SPTSSA: variants seen among roughly 807,000 people sequenced by gnomAD.
The protein encoded by SPTSSA is small subunit of serine palmitoyltransferase A.
SPTSSA carries 8 observed loss-of-function variants against 9.1 expected under a neutral mutation model. The observed-to-expected ratio is 0.88, with a 90% CI of 0.51 to 1.58. The LOEUF is 1.58. SPTSSA is among the 40% of genes most tolerant of loss of function. SPTSSA has a pLI of 0.00. For missense variants in SPTSSA, 100 were observed against 93.8 expected, an observed-to-expected ratio of 1.07 and a Z score of -0.27; for synonymous variants, 42 against 37.7, an observed-to-expected ratio of 1.11 and a Z score of -0.41.
chr14:34,459,922 A>C (rs1043497595), intron 1 of SPTSSA, among the ~76,000 whole-genome samples: 10 of 152,222 alleles, frequency 6.6e-5, no homozygotes, highest in African/African-American at 2.4e-4. Context: ...AGTTGAATGT[A>C]ATGTTTAAGC....
chr14:34,451,930 T>G (rs1883534612), intron 1 of SPTSSA, among the ~76,000 whole-genome samples: 1 of 152,110 alleles, frequency 6.6e-6, no homozygotes, highest in Non-Finnish European at 1.5e-5. Context: ...GAAAGCTTCC[T>G]TATTACTGTA....
At chr14:34,445,286 T>A (rs566445119) in intron 1 of SPTSSA, among the ~76,000 whole-genome samples, 1 of 152,172 alleles carries the variant, frequency 6.6e-6, no homozygotes, top group South Asian at 2.1e-4. Flanking sequence ...GTGGATCACC[T>A]GAGGTCAGGA....
Position 34,434,996 on chromosome 14 carries a change from C to G in SPTSSA, c.*205G>C, listed in dbSNP as rs1883215806. 2.7e-6 allele frequency: 1 copy of G among 373,832 alleles called. No individual in the cohort carries two copies. Among genetic ancestry groups the G allele is most frequent in the Non-Finnish European group, 4.8e-6 (1 of 206,886 alleles). The allele number at this position is 373,832 out of a possible 1,614,324, so 23.2% of individuals were successfully genotyped here. On this transcript the variant is annotated 3_prime_UTR_variant, in exon 2 of 2. Transcript: ENST00000298130. ...ACAATGTTAAAATAGACAAAAACTG[C>G]TATACAAGAGCCTCTTTGAAAATTA...
chr14:34,458,385 T>C lies in SPTSSA; in HGVS notation c.112+3711A>G, dbSNP rs369161339. Reference sequence around the variant, plus strand: ...TTTTAGTACAGACTGAGTTTCACCATGTTTTCTAGGCTGGTCTCACATTCC... The same window carrying C: ...TTTTAGTACAGACTGAGTTTCACCACGTTTTCTAGGCTGGTCTCACATTCC... On this transcript the variant is annotated intron_variant, in intron 1 of 1. Coordinates refer to ENST00000298130, the MANE Select transcript of SPTSSA (RefSeq NM_138288.4). Among the ~76,000 whole-genome samples the C allele has an allele frequency of 2.0e-5, 3 of 152,164 alleles. No homozygotes were observed. In the East Asian group the frequency reaches 5.8e-4, roughly 29 times the overall value.
intron 1 of SPTSSA, among the ~76,000 whole-genome samples, chr14:34,455,703 G>A (rs1340061360): frequency 8.7e-5 from 13 of 149,204 alleles, no homozygotes; most frequent in Middle Eastern, 3.8e-3. Flanking sequence ...AAGCTGAGGG[G>A]AGAGGATCAC....
At position 34,443,168 on chromosome 14, in the gene SPTSSA, TGTG is replaced by T. The variant is rs1566422825; in HGVS notation, c.113-7867_113-7865del. Among the ~76,000 whole-genome samples, 468 of 86,018 alleles carry T rather than the reference TGTG, an allele frequency of 5.4e-3. 51 individuals are homozygous for T. The highest frequency in any genetic ancestry group is 0.033 in the African/African-American group (405 of 12,242). 56.4% of individuals were successfully genotyped at this position (86,018 alleles called of 152,430 possible). On this transcript the variant is annotated intron_variant, in intron 1 of 1. Transcript: ENST00000298130. ...GTGTGTGTGTGTGTGTGTGTGTGTG[TGTG>T]TTTTGAGATTGAGTTTTCCTCTAGG...
intron 1 of SPTSSA, among the ~76,000 whole-genome samples, chr14:34,451,931 T>A (rs1405982062): frequency 1.3e-5 from 2 of 152,102 alleles, no homozygotes; most frequent in Non-Finnish European, 2.9e-5. Flanking sequence ...AAAGCTTCCT[T>A]ATTACTGTAG....
At chr14:34,449,769 C>G (rs932409817) in intron 1 of SPTSSA, among the ~76,000 whole-genome samples, 1 of 152,208 alleles carries the variant, frequency 6.6e-6, no homozygotes, top group African/African-American at 2.4e-5. Context: ...TCCCAAAGTG[C>G]TGGGATTATA....
rs1883302840 is a variant in SPTSSA, at chr14:34,440,724, A to G, written c.113-5420T>C. ...TGGTGAAACCCCATCTCTACTAAAA[A>G]TACAAAATTAGCCAGGTGTGGTGGC... On this transcript the variant is annotated intron_variant, in intron 1 of 1. Coordinates refer to ENST00000298130, the MANE Select transcript of SPTSSA (RefSeq NM_138288.4). 2.0e-5 allele frequency among the ~76,000 whole-genome samples: 3 copies of G among 152,102 alleles called. No homozygotes were observed. In the South Asian group the frequency reaches 6.2e-4, roughly 32 times the overall value.
At chr14:34,457,970 G>A (rs1471840260) in intron 1 of SPTSSA, among the ~76,000 whole-genome samples, 7 of 83,360 alleles carry the variant, frequency 8.4e-5, no homozygotes, top group Non-Finnish European at 1.2e-4. Context: ...AGACTGTCTC[G>A]GAAAAAAAAA....
intron 1 of SPTSSA, among the ~76,000 whole-genome samples, chr14:34,451,214 T>C (rs1016633166): frequency 8.3e-4 from 126 of 152,252 alleles, no homozygotes; most frequent in Non-Finnish European, 2.4e-4. Flanking sequence ...TCACAAGACT[T>C]TGGAAAACTT....
At chr14:34,445,102 TAA>T (rs1566423580) in intron 1 of SPTSSA, among the ~76,000 whole-genome samples, 2 of 151,440 alleles carry the variant, frequency 1.3e-5, no homozygotes, top group African/African-American at 4.9e-5. Flanking sequence ...AAAAAAATTT[TAA>T]AAAGACTACT....
At chr14:34,440,567 G>A (rs1182643877) in intron 1 of SPTSSA, among the ~76,000 whole-genome samples, 3 of 152,116 alleles carry the variant, frequency 2.0e-5, no homozygotes, top group African/African-American at 4.8e-5. Context: ...AGCCTAACGG[G>A]TTATTCCACT....
At chr14:34,453,417 G>A (rs1254295145) in intron 1 of SPTSSA, among the ~76,000 whole-genome samples, 1 of 152,248 alleles carries the variant, frequency 6.6e-6, no homozygotes, top group Non-Finnish European at 1.5e-5. Flanking sequence ...AATGTGGCAG[G>A]TGGCACTGGC....
Position 34,433,575 on chromosome 14 carries a change from T to C in SPTSSA, c.*1626A>G, listed in dbSNP as rs1883190912. The C allele has an allele frequency of 6.6e-6, 1 of 152,326 alleles. No homozygotes were observed. Among genetic ancestry groups the C allele is most frequent in the South Asian group, 2.1e-4 (1 of 4,826 alleles). The allele number at this position is 152,326 out of a possible 1,614,324, so 9.4% of individuals were successfully genotyped here. A position where few individuals can be genotyped will look rare whatever the true frequency, so the allele number is the denominator to read the frequency against. On this transcript the variant is annotated 3_prime_UTR_variant, in exon 2 of 2. Transcript: ENST00000298130. ...TACTCCTATCTAATTGTGGTATCAA[T>C]TGGCTCTAAAAATATTAAACACATA...
intron 1 of SPTSSA, among the ~76,000 whole-genome samples, chr14:34,448,253 A>T (rs764654776): frequency 3.6e-4 from 55 of 151,328 alleles, no homozygotes; most frequent in Admixed American, 8.6e-4. Context: ...CAAAAACTCC[A>T]TCTCAAAAAA....
At chr14:34,439,421 TG>T (rs1158145144) in intron 1 of SPTSSA, among the ~76,000 whole-genome samples, 3 of 152,000 alleles carry the variant, frequency 2.0e-5, no homozygotes, top group Non-Finnish European at 4.4e-5. Flanking sequence ...GAGGATTACT[TG>T]AACTCAGGAG....
At chr14:34,455,561 A>C (rs1313636512) in intron 1 of SPTSSA, among the ~76,000 whole-genome samples, 1 of 152,122 alleles carries the variant, frequency 6.6e-6, no homozygotes. Flanking sequence ...AAGGATGTAT[A>C]ATCTATTTTA....
chr14:34,444,251 T>C (rs1883381747), intron 1 of SPTSSA, among the ~76,000 whole-genome samples: 1 of 147,016 alleles, frequency 6.8e-6, no homozygotes, highest in South Asian at 2.2e-4. Flanking sequence ...AATGTAAACA[T>C]TTGGTCTAAA....
Sources: gnomAD v4.1 joint callset for allele counts (sites outside exome capture counted in the v4.1 genomes callset) on GRCh38, gnomAD v4.1.1 for gene constraint, MANE v1.5 for transcripts, NCBI Gene and HGNC (gene_info 2026-07-23, HGNC 2026-07-21) for gene names.